Variants in B3GAT2 observed in about 807,000 individuals in gnomAD.
B3GAT2 encodes galactosylgalactosylxylosylprotein 3-beta-glucuronosyltransferase 2.
In B3GAT2, 26 loss-of-function variants were observed where a neutral mutation model predicts 27.8. The ratio of observed to expected loss-of-function variants is 0.93; its 90% CI spans 0.68 to 1.30. The LOEUF (loss-of-function observed/expected upper bound fraction) is 1.30, where lower values mean the gene tolerates loss of function less well. Among genes scored for constraint, B3GAT2 ranks in the 50% most tolerant of loss-of-function variants. The probability of loss-of-function intolerance (pLI) is 0.00; values close to 1 mark genes in which losing one functional copy is unlikely to be tolerated. For synonymous variants in B3GAT2, 218 were observed against 195.1 expected, an observed-to-expected ratio of 1.12 and a Z score of -0.98; for missense variants, 458 against 459.0, an observed-to-expected ratio of 1.00 and a Z score of 0.02.
intron 2 of B3GAT2, among the ~76,000 whole-genome samples, chr6:70,886,171 T>A (rs1245723850): frequency 6.6e-6 from 1 of 152,200 alleles, no homozygotes; most frequent in Non-Finnish European, 1.5e-5. Context: ...AAGAACTCAG[T>A]GACTTGGCTG....
intron 1 of B3GAT2, among the ~76,000 whole-genome samples, chr6:70,938,941 C>A (rs1437767859): frequency 2.6e-5 from 4 of 151,674 alleles, no homozygotes; most frequent in African/African-American, 4.8e-5. Flanking sequence ...GCAAAAGAAA[C>A]TACCATCAGA....
chr6:70,864,061 CTTTTTT>C (rs35544177), intron 2 of B3GAT2, among the ~76,000 whole-genome samples: 2 of 129,766 alleles, frequency 1.5e-5, no homozygotes, highest in Non-Finnish European at 1.6e-5. Flanking sequence ...AAGCTTTATC[CTTTTTT>C]TTTTTTTTTT....
intron 2 of B3GAT2, among the ~76,000 whole-genome samples, chr6:70,874,620 T>A (rs1771984777): frequency 6.6e-6 from 1 of 152,108 alleles, no homozygotes; most frequent in African/African-American, 2.4e-5. Context: ...CGGAATGAAG[T>A]TTTTTGCTTA....
intron 1 of B3GAT2, among the ~76,000 whole-genome samples, chr6:70,917,484 A>C (rs2150040887): frequency 6.6e-6 from 1 of 152,124 alleles, no homozygotes; most frequent in East Asian, 1.9e-4. Context: ...TATAATTGCA[A>C]TGTTAGGGTG....
intron 2 of B3GAT2, among the ~76,000 whole-genome samples, chr6:70,864,193 T>C (rs1771813886): frequency 6.6e-6 from 1 of 151,382 alleles, no homozygotes; most frequent in Non-Finnish European, 1.5e-5. Flanking sequence ...AAACATGGGA[T>C]CCAAATTGTG....
At chr6:70,926,386 G>T (rs1772959386) in intron 1 of B3GAT2, among the ~76,000 whole-genome samples, 2 of 152,206 alleles carry the variant, frequency 1.3e-5, no homozygotes, top group South Asian at 4.1e-4. Context: ...CCGAGCTAAA[G>T]GAGGGTGTTC....
intron 2 of B3GAT2, among the ~76,000 whole-genome samples, chr6:70,863,574 T>C (rs1307093587): frequency 2.0e-5 from 3 of 152,208 alleles, no homozygotes; most frequent in Non-Finnish European, 4.4e-5. Flanking sequence ...CCTAGGTCCC[T>C]GCCCCTGGGA....
intron 1 of B3GAT2, among the ~76,000 whole-genome samples, chr6:70,946,915 G>A (rs1387379669): frequency 1.3e-5 from 2 of 151,964 alleles, no homozygotes; most frequent in Non-Finnish European, 2.9e-5. Flanking sequence ...CTAGAACTCA[G>A]GATTAAGAAA....
At chr6:70,897,489 C>G (rs997445354) in intron 1 of B3GAT2, among the ~76,000 whole-genome samples, 5 of 151,642 alleles carry the variant, frequency 3.3e-5, no homozygotes, top group African/African-American at 1.2e-4. Context: ...GTAATTCCAG[C>G]ACACTTTGGG....
At chr6:70,937,549 T>C (rs1479537141) in intron 1 of B3GAT2, among the ~76,000 whole-genome samples, 2 of 152,056 alleles carry the variant, frequency 1.3e-5, no homozygotes, top group Admixed American at 1.3e-4. Context: ...AAAAGCTTAT[T>C]CACCATGATC....
At chr6:70,955,473 C>A (rs1424963852) in intron 1 of B3GAT2, among the ~76,000 whole-genome samples, 4 of 137,512 alleles carry the variant, frequency 2.9e-5, no homozygotes, top group Non-Finnish European at 6.2e-5. Context: ...GATCTCCTAT[C>A]GCAGCCAGCG....
chr6:70,878,990 T>C (rs1772058180), intron 2 of B3GAT2, among the ~76,000 whole-genome samples: 1 of 152,126 alleles, frequency 6.6e-6, no homozygotes, highest in South Asian at 2.1e-4. Flanking sequence ...GAAAACTTCA[T>C]TTTCACTTTG....
intron 2 of B3GAT2, among the ~76,000 whole-genome samples, chr6:70,862,757 C>T (rs569497626): frequency 6.6e-6 from 1 of 152,204 alleles, no homozygotes; most frequent in Non-Finnish European, 1.5e-5. Context: ...ATCTCTTGAG[C>T]CCAGGAGTTC....
At chr6:70,881,424 A>G (rs1772097406) in intron 2 of B3GAT2, among the ~76,000 whole-genome samples, 1 of 151,998 alleles carries the variant, frequency 6.6e-6, no homozygotes, top group African/African-American at 2.4e-5. Flanking sequence ...ATATTTGCAA[A>G]CAGAAGTCAA....
chr6:70,896,027 T>C (rs1196261514), intron 1 of B3GAT2, among the ~76,000 whole-genome samples: 1 of 152,196 alleles, frequency 6.6e-6, no homozygotes, highest in Non-Finnish European at 1.5e-5. Flanking sequence ...ACTGAACAAC[T>C]GCTTTCCTTT....
At chr6:70,951,538 G>T (rs1765578713) in intron 1 of B3GAT2, among the ~76,000 whole-genome samples, 1 of 152,114 alleles carries the variant, frequency 6.6e-6, no homozygotes, top group Non-Finnish European at 1.5e-5. Flanking sequence ...GAGAGAGGAA[G>T]AATGATGGAA....
Position 70,956,282 on chromosome 6 carries a change from C to CA in B3GAT2, c.147_148insT (p.Ala50CysfsTer109). 1 of 1,605,864 alleles carries CA rather than the reference C, an allele frequency of 6.2e-7. No individual in the cohort carries two copies. The highest frequency in any genetic ancestry group is 8.5e-7 in the Non-Finnish European group (1 of 1,175,846). ...CCGCCCCTGCGGAGCGGGAGTCGGG[C>CA]GCCCCCGCGGCCCACCGCGTAGGGA... On this transcript the variant is annotated frameshift_variant, in exon 1 of 4. Transcript: ENST00000230053. LOFTEE classifies it high-confidence loss of function.
intron 1 of B3GAT2, among the ~76,000 whole-genome samples, chr6:70,894,919 G>A (rs911896003): frequency 1.3e-5 from 2 of 152,166 alleles, no homozygotes; most frequent in East Asian, 1.9e-4. Flanking sequence ...TAAACATGAC[G>A]CTCAACTGAA....
chr6:70,930,180 C>G (rs1002900801), intron 1 of B3GAT2, among the ~76,000 whole-genome samples: 3 of 152,118 alleles, frequency 2.0e-5, no homozygotes, highest in African/African-American at 7.2e-5. Flanking sequence ...ACACCTTATA[C>G]AAAAATTAAT....
Sources: gnomAD v4.1 joint callset for allele counts (sites outside exome capture counted in the v4.1 genomes callset) on GRCh38, gnomAD v4.1.1 for gene constraint, MANE v1.5 for transcripts, NCBI Gene and HGNC (gene_info 2026-07-23, HGNC 2026-07-21) for gene names.